The following PDLIM1 variants were observed in gnomAD, a reference collection of about 807,000 sequenced individuals.
PDLIM1 encodes PDZ and LIM domain 1.
A neutral mutation model predicts 35.2 loss-of-function variants in PDLIM1; 25 were observed. The ratio of observed to expected loss-of-function variants is 0.71; its 90% CI spans 0.52 to 0.99. The LOEUF (loss-of-function observed/expected upper bound fraction) is 0.99, where lower values mean the gene tolerates loss of function less well. Among genes scored for constraint, PDLIM1 ranks in the 50% least tolerant of loss-of-function variants. The pLI is 0.00. For synonymous variants in PDLIM1, 152 were observed against 154.0 expected, an observed-to-expected ratio of 0.99 and a Z score of 0.10; for missense variants, 363 against 415.3, an observed-to-expected ratio of 0.87 and a Z score of 1.09.
At chr10:95,257,058 A>T (rs1299848328) in intron 4 of PDLIM1, among the ~76,000 whole-genome samples, 2 of 139,830 alleles carry the variant, frequency 1.4e-5, no homozygotes, top group Non-Finnish European at 3.1e-5. Flanking sequence ...TAGATTAAAG[A>T]CCAACATAAG....
intron 3 of PDLIM1, among the ~76,000 whole-genome samples, chr10:95,268,483 A>C (rs1364114405): frequency 6.6e-6 from 1 of 152,152 alleles, no homozygotes; most frequent in Non-Finnish European, 1.5e-5. Context: ...CCTTGACTTC[A>C]CTGTGATCCT....
At chr10:95,288,272 C>G (rs531663682) in intron 1 of PDLIM1, among the ~76,000 whole-genome samples, 1 of 152,258 alleles carries the variant, frequency 6.6e-6, no homozygotes, top group South Asian at 2.1e-4. Context: ...GCCAATACCA[C>G]AATAATTCAT....
In PDLIM1 at chr10:95,290,002, AG is replaced by A. The variant is rs1276713017; in HGVS notation, c.96+817del. The stretch of plus-strand genomic sequence containing the variant: ...GTCTCCCTGGGGGTTTCACTTTATT[AG>A]GGGGGCAATGGTTCTGGTGGCCCCT... On this transcript the variant is annotated intron_variant, in intron 1 of 6. Transcript: ENST00000329399. The surrounding 1 kb of genome is among the most constrained non-coding windows in gnomAD (Gnocchi z 4.7). Among the ~76,000 whole-genome samples, 1 of 152,126 alleles carries A rather than the reference AG, an allele frequency of 6.6e-6. No homozygotes were observed. Among genetic ancestry groups the A allele is most frequent in the African/African-American group, 2.4e-5 (1 of 41,418 alleles).
chr10:95,290,966 C>CG lies in PDLIM1; in HGVS notation c.-52dup, dbSNP rs1271180923. On this transcript the variant is annotated 5_prime_UTR_variant, in exon 1 of 7. Coordinates refer to ENST00000329399, the MANE Select transcript of PDLIM1 (RefSeq NM_020992.4). This position sits in a 1 kb window ranked among gnomAD's most constrained non-coding sequence, Gnocchi z 4.7. ...CGCGGGGACAGACGGGCAGGACGCGCGGAACAGCTTGCAGGGCACCCCCGG... is the reference window on the plus strand; with the variant it reads ...CGCGGGGACAGACGGGCAGGACGCGCGGGAACAGCTTGCAGGGCACCCCCGG... The CG allele has an allele frequency of 8.2e-7, 1 of 1,220,690 alleles. No homozygotes were observed. The highest frequency in any genetic ancestry group is 1.6e-5 in the African/African-American group (1 of 64,204). 75.6% of individuals were successfully genotyped at this position (1,220,690 alleles called of 1,614,324 possible). A position where few individuals can be genotyped will look rare whatever the true frequency, so the allele number is the denominator to read the frequency against.
intron 3 of PDLIM1, among the ~76,000 whole-genome samples, chr10:95,267,911 T>C (rs2035429426): frequency 6.6e-6 from 1 of 152,222 alleles, no homozygotes; most frequent in Non-Finnish European, 1.5e-5. Context: ...AAAGGCATTA[T>C]CAACATACCT....
At chr10:95,238,897 C>A in intron 5 of PDLIM1, 1 of 477,080 alleles carries the variant, frequency 2.1e-6, no homozygotes, top group South Asian at 3.2e-5. Flanking sequence ...CAAAGAAAAG[C>A]CCAAAAAGCC....
intron 4 of PDLIM1, among the ~76,000 whole-genome samples, chr10:95,249,260 G>A (rs1007737537): frequency 3.3e-5 from 5 of 152,250 alleles, no homozygotes; most frequent in African/African-American, 9.6e-5. Flanking sequence ...CAGCCTCTGA[G>A]GGTTGTGCCA....
intron 4 of PDLIM1, among the ~76,000 whole-genome samples, chr10:95,258,281 G>A (rs962697387): frequency 1.5e-4 from 22 of 147,882 alleles, no homozygotes; most frequent in Non-Finnish European, 3.0e-4. Context: ...AAGAAAATGT[G>A]AAAAAAAAAT....
At chr10:95,262,113 CTGGGGAGGGG>C (rs1275514858) in intron 4 of PDLIM1, among the ~76,000 whole-genome samples, 5 of 152,000 alleles carry the variant, frequency 3.3e-5, no homozygotes, top group African/African-American at 1.2e-4. Context: ...CTGTCTCTCT[CTGGGGAGGGG>C]AGGGGTGACT....
intron 3 of PDLIM1, among the ~76,000 whole-genome samples, chr10:95,266,795 A>G (rs534042605): frequency 2.0e-5 from 3 of 152,274 alleles, no homozygotes; most frequent in Admixed American, 2.0e-4. Flanking sequence ...GAATATCTCT[A>G]CCCTCATCTG....
chr10:95,290,404 C>G lies in PDLIM1; in HGVS notation c.96+416G>C, dbSNP rs2035642707. On this transcript the variant is annotated intron_variant, in intron 1 of 6. Coordinates refer to ENST00000329399, the MANE Select transcript of PDLIM1 (RefSeq NM_020992.4). This position sits in a 1 kb window ranked among gnomAD's most constrained non-coding sequence, Gnocchi z 4.7. The stretch of plus-strand genomic sequence containing the variant: ...CCAGTAAACTTCCCACCCACCCCAC[C>G]TCACTTTCCAGGTCTTTCCTGTTGC... Among the ~76,000 whole-genome samples the G allele has an allele frequency of 6.6e-6, 1 of 151,696 alleles. No individual in the cohort carries two copies.
At chr10:95,241,608 T>C (rs1052405215) in intron 5 of PDLIM1, among the ~76,000 whole-genome samples, 4 of 152,092 alleles carry the variant, frequency 2.6e-5, no homozygotes, top group Admixed American at 2.0e-4. Flanking sequence ...AAAATGTCAA[T>C]AGCACCAAGG....
chr10:95,290,989 CG>C lies in PDLIM1; in HGVS notation c.-75del. The C allele has an allele frequency of 3.5e-6, 3 of 850,956 alleles. No homozygotes were observed. The highest frequency in any genetic ancestry group is 5.1e-6 in the Non-Finnish European group (3 of 589,876). The allele number at this position is 850,956 out of a possible 1,614,324, so 52.7% of individuals were successfully genotyped here. A position where few individuals can be genotyped will look rare whatever the true frequency, so the allele number is the denominator to read the frequency against. ...CGCGGAACAGCTTGCAGGGCACCCCCGGCGGCTGTCGGAGAAAGAGCGGCGC... is the reference window on the plus strand; with the variant it reads ...CGCGGAACAGCTTGCAGGGCACCCCCGCGGCTGTCGGAGAAAGAGCGGCGC... On this transcript the variant is annotated 5_prime_UTR_variant, in exon 1 of 7. Transcript: ENST00000329399. The surrounding 1 kb of genome is among the most constrained non-coding windows in gnomAD (Gnocchi z 4.7).
At chr10:95,287,848 AC>A (rs2035615850) in intron 1 of PDLIM1, among the ~76,000 whole-genome samples, 1 of 151,706 alleles carries the variant, frequency 6.6e-6, no homozygotes, top group African/African-American at 2.4e-5. Flanking sequence ...AAAGTTGGAA[AC>A]CTGGGTTGAA....
chr10:95,243,232 G>GT (rs748123072), intron 5 of PDLIM1, among the ~76,000 whole-genome samples: 9 of 152,096 alleles, frequency 5.9e-5, no homozygotes, highest in Non-Finnish European at 1.2e-4. Context: ...TGGCTTCAAG[G>GT]TTTTTTCTCT....
chr10:95,241,233 A>G (rs1474881887), intron 5 of PDLIM1, among the ~76,000 whole-genome samples: 2 of 152,168 alleles, frequency 1.3e-5, no homozygotes, highest in African/African-American at 4.8e-5. Context: ...ATGTTCACAC[A>G]ATGGACATTT....
intron 1 of PDLIM1, among the ~76,000 whole-genome samples, chr10:95,280,049 A>G (rs750256592): frequency 6.6e-6 from 1 of 152,222 alleles, no homozygotes; most frequent in Non-Finnish European, 1.5e-5. Flanking sequence ...GTATGAGCAT[A>G]TTAGTCCTTT....
At chr10:95,263,830 G>C (rs1307065940) in intron 4 of PDLIM1, 34 bp downstream of exon 4, 1 of 1,556,128 alleles carries the variant, frequency 6.4e-7, no homozygotes, top group Admixed American at 1.8e-5. Context: ...CCCCTCCCAG[G>C]AGCGGCTCAG....
intron 1 of PDLIM1, among the ~76,000 whole-genome samples, chr10:95,282,448 A>G (rs1437997284): frequency 6.6e-6 from 1 of 152,244 alleles, no homozygotes; most frequent in Non-Finnish European, 1.5e-5. Flanking sequence ...AGGCAATAAA[A>G]TAGGGTAGAT....
Sources: gnomAD v4.1 joint callset for allele counts (sites outside exome capture counted in the v4.1 genomes callset) on GRCh38, gnomAD v4.1.1 for gene constraint, Gnocchi (gnomAD v3.1) non-coding constraint, MANE v1.5 for transcripts, NCBI Gene and HGNC (gene_info 2026-07-23, HGNC 2026-07-21) for gene names.